Variants in PDE7B observed in about 807,000 individuals in gnomAD.
PDE7B encodes the protein phosphodiesterase 7B, also known as 3',5'-cyclic-AMP phosphodiesterase 7B.
PDE7B carries 29 observed loss-of-function variants against 56.2 expected under a neutral mutation model. The observed-to-expected ratio is 0.52, with a 90% CI of 0.38 to 0.70. The LOEUF (loss-of-function observed/expected upper bound fraction) is 0.70. Ranked by LOEUF, PDE7B falls within the 30% of genes least tolerant of loss-of-function variation. PDE7B has a pLI of 0.00. For missense variants in PDE7B, 490 were observed against 565.0 expected, an observed-to-expected ratio of 0.87 and a Z score of 1.35; for synonymous variants, 197 against 196.9, an observed-to-expected ratio of 1.00 and a Z score of 0.00.
At chr6:136,090,606 T>C (rs1777370876) in intron 2 of PDE7B, among the ~76,000 whole-genome samples, 1 of 152,232 alleles carries the variant, frequency 6.6e-6, no homozygotes, top group Non-Finnish European at 1.5e-5. Context: ...TGAGTACACA[T>C]TGTTGTCAAA....
chr6:135,867,036 C>A (rs1775274439), intron 1 of PDE7B, among the ~76,000 whole-genome samples: 1 of 152,204 alleles, frequency 6.6e-6, no homozygotes, highest in South Asian at 2.1e-4. Context: ...TGTGGGGGAT[C>A]TTTCGAGCAC....
intron 8 of PDE7B, among the ~76,000 whole-genome samples, chr6:136,156,971 CCAAA>C (rs749948113): frequency 1.3e-5 from 2 of 152,074 alleles, no homozygotes; most frequent in Non-Finnish European, 2.9e-5. Flanking sequence ...TTACTATGAC[CCAAA>C]CACTGTGCCA....
At chr6:135,959,509 C>G (rs9389348) in intron 2 of PDE7B, among the ~76,000 whole-genome samples, 54,331 of 151,912 alleles carry the variant, frequency 0.36, 10,017 homozygotes, top group Admixed American at 0.51. Context: ...AAAAAATTAG[C>G]ATCATATTCC....
chr6:135,974,068 G>A (rs1169047279), intron 2 of PDE7B, among the ~76,000 whole-genome samples: 1 of 152,172 alleles, frequency 6.6e-6, no homozygotes, highest in Non-Finnish European at 1.5e-5. Context: ...TCTTGGTAAT[G>A]CAGTGTTCAA....
rs575229035 is a variant in PDE7B, at chr6:136,076,031, A to G, written c.83-32700A>G. On this transcript the variant is annotated intron_variant, in intron 2 of 12. Transcript: ENST00000308191. ...TAGAATAACAGTAAAAAATGAATGA[A>G]CTCACAAGAATAAAGAGTGGAAAAG... Among the ~76,000 whole-genome samples the G allele has an allele frequency of 2.3e-4, 35 of 152,308 alleles. No homozygotes were observed. In the South Asian group the frequency reaches 6.8e-3, roughly 30 times the overall value.
In PDE7B at chr6:136,088,104, T is replaced by C. The variant is rs573937530; in HGVS notation, c.83-20627T>C. On this transcript the variant is annotated intron_variant, in intron 2 of 12. Transcript: ENST00000308191. ...AAAGTTCAATGTCACTCTGAGTGTT[T>C]CTTTTACCAGGGACATCTTTAAACC... Among the ~76,000 whole-genome samples, 10 of 152,274 alleles carry C rather than the reference T, an allele frequency of 6.6e-5. No homozygotes were observed. In the East Asian group the frequency reaches 1.4e-3, roughly 21 times the overall value.
At chr6:136,171,897 T>C (rs1778889596) in intron 8 of PDE7B, among the ~76,000 whole-genome samples, 1 of 151,114 alleles carries the variant, frequency 6.6e-6, no homozygotes, top group Non-Finnish European at 1.5e-5. Flanking sequence ...GTTTGGTTTT[T>C]TGTTCTTGCG....
At chr6:135,959,972 C>T (rs958810388) in intron 2 of PDE7B, among the ~76,000 whole-genome samples, 1 of 152,086 alleles carries the variant, frequency 6.6e-6, no homozygotes, top group Non-Finnish European at 1.5e-5. Context: ...TGGGGTTTCA[C>T]CATCTTGCCC....
At chr6:135,940,054 A>G (rs1774483631) in intron 1 of PDE7B, among the ~76,000 whole-genome samples, 2 of 152,100 alleles carry the variant, frequency 1.3e-5, no homozygotes, top group Admixed American at 6.5e-5. Context: ...TTTTTTTTAA[A>G]TCACTATTGA....
chr6:135,963,159 C>T (rs1774937441), intron 2 of PDE7B, among the ~76,000 whole-genome samples: 2 of 152,144 alleles, frequency 1.3e-5, no homozygotes, highest in Admixed American at 1.3e-4. Context: ...CACATATACA[C>T]ATGGAGACAC....
chr6:135,895,884 C>G (rs570732119), intron 1 of PDE7B, among the ~76,000 whole-genome samples: 8 of 152,224 alleles, frequency 5.3e-5, no homozygotes, highest in Non-Finnish European at 8.8e-5. Context: ...TCCTCCACCA[C>G]CACTGATTCC....
chr6:135,871,804 A>G (rs918601579), intron 1 of PDE7B, among the ~76,000 whole-genome samples: 1 of 151,888 alleles, frequency 6.6e-6, no homozygotes, highest in African/African-American at 2.4e-5. Context: ...CACATATAAT[A>G]TACACATTCA....
chr6:136,172,001 T>C (rs1583923184), intron 8 of PDE7B, among the ~76,000 whole-genome samples: 1 of 152,000 alleles, frequency 6.6e-6, no homozygotes, highest in Non-Finnish European at 1.5e-5. Context: ...TATTCCATGG[T>C]GTATATGTGC....
At chr6:135,907,619 A>G (rs1409730563) in intron 1 of PDE7B, among the ~76,000 whole-genome samples, 1 of 152,174 alleles carries the variant, frequency 6.6e-6, no homozygotes, top group South Asian at 2.1e-4. Context: ...AATTGAATGT[A>G]CAACATTAAC....
At chr6:135,900,136 G>T (rs1178172747) in intron 1 of PDE7B, among the ~76,000 whole-genome samples, 1 of 151,504 alleles carries the variant, frequency 6.6e-6, no homozygotes, top group Admixed American at 6.6e-5. Flanking sequence ...TTTTAAAAAG[G>T]GAAAACCCCT....
chr6:136,022,996 G>GA (rs796152044), intron 2 of PDE7B, among the ~76,000 whole-genome samples: 22 of 148,100 alleles, frequency 1.5e-4, no homozygotes, highest in South Asian at 8.6e-4. Context: ...AAGGGTCTCA[G>GA]AAAAAAAAAA....
chr6:136,080,197 C>T (rs1333565772), intron 2 of PDE7B, among the ~76,000 whole-genome samples: 2 of 152,156 alleles, frequency 1.3e-5, no homozygotes, highest in African/African-American at 4.8e-5. Flanking sequence ...ATTCCAAGCT[C>T]GTTCCAATAA....
At chr6:136,032,710 T>G (rs187066381) in intron 2 of PDE7B, among the ~76,000 whole-genome samples, 10 of 152,334 alleles carry the variant, frequency 6.6e-5, no homozygotes, top group Non-Finnish European at 1.0e-4. Context: ...CAGGGAAGGA[T>G]AGCCAAAATT....
At chr6:136,000,077 T>C (rs555181382) in intron 2 of PDE7B, among the ~76,000 whole-genome samples, 1 of 152,352 alleles carries the variant, frequency 6.6e-6, no homozygotes, top group African/African-American at 2.4e-5. Flanking sequence ...TTTGCCTACT[T>C]TTTAATGAAG....
Sources: gnomAD v4.1 joint callset for allele counts (sites outside exome capture counted in the v4.1 genomes callset) on GRCh38, gnomAD v4.1.1 for gene constraint, MANE v1.5 for transcripts, NCBI Gene and HGNC (gene_info 2026-07-23, HGNC 2026-07-21) for gene names.